The following NFKB1 variants were observed in gnomAD, a reference collection of about 807,000 sequenced individuals.
NFKB1 encodes the protein nuclear factor kappa B subunit 1.
A neutral mutation model predicts 105.1 loss-of-function variants in NFKB1; 9 were observed. The observed-to-expected ratio is 0.09, with a 90% CI of 0.05 to 0.15. The LOEUF (loss-of-function observed/expected upper bound fraction) is 0.15, where lower values mean the gene tolerates loss of function less well. Among genes scored for constraint, NFKB1 ranks in the 10% least tolerant of loss-of-function variants. NFKB1 has a pLI of 1.00. For missense variants in NFKB1, 830 were observed against 1,203.7 expected (o/e 0.69, Z 4.59); for synonymous variants, 440 against 442.2 (o/e 1.00, Z 0.06).
chr4:102,508,090 T>C (rs531837000), intron 1 of NFKB1, among the ~76,000 whole-genome samples: 11 of 152,374 alleles, frequency 7.2e-5, no homozygotes, highest in African/African-American at 1.9e-4. Context: ...TCCCAAATCA[T>C]GTTTTATTGA....
intron 12 of NFKB1, 122 bp from the exon 13 acceptor site, chr4:102,594,770 G>A: frequency 3.4e-6 from 2 of 588,548 alleles, no homozygotes; most frequent in Non-Finnish European, 6.2e-6. Flanking sequence ...AAAACCATGT[G>A]TGGGCACAAT....
At position 102,528,556 on chromosome 4, in the gene NFKB1, A is replaced by G. The variant is rs925303014; in HGVS notation, c.40-1280A>G. On this transcript the variant is annotated intron_variant, in intron 2 of 23. Coordinates refer to ENST00000226574, the MANE Select transcript of NFKB1 (RefSeq NM_003998.4). ...CAGGAGACAAACTGTAATACTGGCT[A>G]CTAAAAGAAACGAAAAGCTAGTTCA... Among the ~76,000 whole-genome samples the G allele has an allele frequency of 5.3e-5, 8 of 152,176 alleles. No homozygotes were observed. The East Asian group carries it at 9.6e-4, about 18-fold the overall frequency.
intron 5 of NFKB1, among the ~76,000 whole-genome samples, chr4:102,553,986 G>A (rs1328941530): frequency 6.6e-6 from 1 of 152,094 alleles, no homozygotes; most frequent in Non-Finnish European, 1.5e-5. Context: ...TTACCTATAA[G>A]GTTCTTTCCA....
At chr4:102,533,659 A>G (rs1741446544) in intron 3 of NFKB1, among the ~76,000 whole-genome samples, 186 bp from the exon 4 acceptor site, 1 of 152,246 alleles carries the variant, frequency 6.6e-6, no homozygotes. Flanking sequence ...TATTGTTAAA[A>G]TAAGGGTTAA....
chr4:102,595,237 A>T (rs1038646595), intron 13 of NFKB1, among the ~76,000 whole-genome samples: 3 of 152,216 alleles, frequency 2.0e-5, no homozygotes, highest in Non-Finnish European at 4.4e-5. Flanking sequence ...TTGAAAAGAG[A>T]CAACAGAGAC....
intron 1 of NFKB1, among the ~76,000 whole-genome samples, chr4:102,522,011 T>C (rs538116986): frequency 7.1e-4 from 108 of 152,262 alleles, no homozygotes; most frequent in African/African-American, 2.4e-3. Context: ...TCCCATCTTC[T>C]CCCCTGGAAA....
chr4:102,555,002 C>CA (rs1297688334), intron 5 of NFKB1, among the ~76,000 whole-genome samples: 5 of 151,938 alleles, frequency 3.3e-5, no homozygotes, highest in East Asian at 3.9e-4. Context: ...ACAAGGGCTT[C>CA]AAAAAATAAT....
rs1162557309 is a variant in NFKB1 at position 102,610,562 on chromosome 4, T to C, written c.2228-13T>C. On this transcript the variant is annotated splice_polypyrimidine_tract_variant and intron_variant, in intron 19 of 23. Transcript: ENST00000226574. The stretch of plus-strand genomic sequence containing the variant: ...TCTGGGTTTACCTAATGCTGTGTAA[T>C]CTAACTTCGCAGGAGCAGATCCCCT... The C allele has an allele frequency of 1.2e-6, 2 of 1,613,620 alleles. No homozygotes were observed. The highest frequency in any genetic ancestry group is 1.7e-6 in the Non-Finnish European group (2 of 1,179,658).
intron 1 of NFKB1, among the ~76,000 whole-genome samples, chr4:102,509,487 A>G (rs1458402662): frequency 6.6e-6 from 1 of 152,186 alleles, no homozygotes; most frequent in African/African-American, 2.4e-5. Flanking sequence ...TAATTGTGCT[A>G]TATTTACTGA....
At chr4:102,566,937 G>A (rs757201231) in intron 5 of NFKB1, 50 bp from the exon 6 acceptor site, 1 of 1,596,090 alleles carries the variant, frequency 6.3e-7, no homozygotes, top group Non-Finnish European at 8.6e-7. Flanking sequence ...ATGTTTCCAT[G>A]TTGCTGGAGA....
At chr4:102,592,507 G>A (rs1056565352) in intron 11 of NFKB1, among the ~76,000 whole-genome samples, 4 of 152,196 alleles carry the variant, frequency 2.6e-5, no homozygotes, top group Non-Finnish European at 4.4e-5. Context: ...ACAACCTGCT[G>A]TAGGCTTAGG....
In NFKB1 at chr4:102,593,406, T is replaced by C. The variant is rs778541286; in HGVS notation, c.1067-19T>C. On this transcript the variant is annotated intron_variant, in intron 11 of 23. Coordinates refer to ENST00000226574, the MANE Select transcript of NFKB1 (RefSeq NM_003998.4). ...CAAATCAATCTTTTCTCCTCTGGTT[T>C]CTCTTCCTTTAAATACAGATAAAGA... 1 of 1,601,756 alleles carries C rather than the reference T, an allele frequency of 6.2e-7. No individual in the cohort carries two copies. The highest frequency in any genetic ancestry group is 1.7e-5 in the Admixed American group (1 of 59,106).
At chr4:102,579,123 G>A in intron 8 of NFKB1, 84 bp downstream of exon 8, 1 of 1,408,376 alleles carries the variant, frequency 7.1e-7, no homozygotes. Flanking sequence ...CTGAGTCCTG[G>A]GGAAGGTAAC....
intron 6 of NFKB1, among the ~76,000 whole-genome samples, chr4:102,567,600 TATC>T: frequency 6.6e-6 from 1 of 152,348 alleles, no homozygotes; most frequent in South Asian, 2.1e-4. Context: ...AATGCATAAA[TATC>T]ATTTCAGCTC....
chr4:102,529,010 T>A (rs230532), intron 2 of NFKB1, among the ~76,000 whole-genome samples: 106,926 of 151,918 alleles, frequency 0.7, 38,453 homozygotes, highest in African/African-American at 0.84. Context: ...TCTTGCTTCC[T>A]TTGTCATACT....
At chr4:102,549,098 T>C (rs897119988) in intron 5 of NFKB1, among the ~76,000 whole-genome samples, 4 of 152,110 alleles carry the variant, frequency 2.6e-5, no homozygotes, top group Non-Finnish European at 4.4e-5. Flanking sequence ...CATGGTAACA[T>C]TGTTGCCTCA....
chr4:102,577,839 T>G lies in NFKB1; in HGVS notation c.571+800T>G, dbSNP rs913226216. ...TACATTCCATTTTCATTGTTCCACT[T>G]ATAGTAGTCTTCTCCCTGGTCTCTG... is the stretch of plus-strand genomic sequence containing the variant. On this transcript the variant is annotated intron_variant, in intron 7 of 23. Transcript: ENST00000226574. 4 of 985,452 alleles carry G rather than the reference T, an allele frequency of 4.1e-6. No homozygotes were observed. The African/African-American group carries it at 7.0e-5, about 17-fold the overall frequency. The allele number at this position is 985,452 out of a possible 1,614,324, so 61.0% of individuals were successfully genotyped here.
intron 11 of NFKB1, among the ~76,000 whole-genome samples, chr4:102,587,454 G>T (rs1437366109): frequency 6.6e-6 from 1 of 151,958 alleles, no homozygotes; most frequent in Non-Finnish European, 1.5e-5. Flanking sequence ...TCAAAGCTCA[G>T]CTTGGTATCT....
intron 1 of NFKB1, among the ~76,000 whole-genome samples, chr4:102,508,294 G>T (rs917926075): frequency 1.3e-5 from 2 of 152,252 alleles, no homozygotes; most frequent in African/African-American, 4.8e-5. Context: ...TATAATACAA[G>T]AACCTTCATG....
Sources: gnomAD v4.1 joint callset for allele counts (sites outside exome capture counted in the v4.1 genomes callset) on GRCh38, gnomAD v4.1.1 for gene constraint, MANE v1.5 for transcripts, NCBI Gene and HGNC (gene_info 2026-07-23, HGNC 2026-07-21) for gene names.